The following TANC1 variants were observed in gnomAD, a reference collection of about 807,000 sequenced individuals.
TANC1 encodes tetratricopeptide repeat, ankyrin repeat and coiled-coil containing 1.
A neutral mutation model predicts 149.7 loss-of-function variants in TANC1; 77 were observed. That is an observed-to-expected ratio of 0.51 (90% CI 0.43 to 0.62). The LOEUF is 0.62. Ranked by LOEUF, TANC1 falls within the 20% of genes least tolerant of loss-of-function variation. The pLI is 0.00. For synonymous variants in TANC1, 854 were observed against 925.0 expected (o/e 0.92, Z 1.39); for missense variants, 1,985 against 2,321.8 (o/e 0.85, Z 2.98).
At chr2:159,066,096 A>C in intron 3 of TANC1, 125 bp downstream of exon 3, 2 of 756,106 alleles carry the variant, frequency 2.6e-6, no homozygotes, top group East Asian at 4.9e-5. Flanking sequence ...TAGAACAAAC[A>C]GTGTGCTGGA....
intron 11 of TANC1, among the ~76,000 whole-genome samples, chr2:159,172,798 C>A (rs117274063): frequency 1.4e-4 from 22 of 152,198 alleles, no homozygotes; most frequent in Non-Finnish European, 1.5e-5. Context: ...GCTCACCAAC[C>A]GCACTCCTGC....
Position 159,196,586 on chromosome 2 carries a change from C to T in TANC1, c.2980-22C>T, listed in dbSNP as rs2057869161. On this transcript the variant is annotated intron_variant, in intron 17 of 26. Coordinates refer to ENST00000263635, the MANE Select transcript of TANC1 (RefSeq NM_033394.3). The stretch of plus-strand genomic sequence containing the variant: ...AGGCAAAGTAATGCTCAGCTGTAAC[C>T]TTCCCCTACTCCTGCCCCCAGGTGG... 8 of 1,582,476 alleles carry T rather than the reference C, an allele frequency of 5.1e-6. No homozygotes were observed. In the African/African-American group the frequency reaches 5.4e-5, roughly 11 times the overall value.
chr2:159,115,913 C>T (rs2150054642), intron 4 of TANC1, among the ~76,000 whole-genome samples: 1 of 152,170 alleles, frequency 6.6e-6, no homozygotes, highest in Admixed American at 6.5e-5. Flanking sequence ...TCTGCCCTAC[C>T]ACAGGTGTAG....
chr2:158,971,976 A>T (rs757107525), intron 1 of TANC1, among the ~76,000 whole-genome samples: 1 of 152,212 alleles, frequency 6.6e-6, no homozygotes. Context: ...ATTTCTCACA[A>T]TACATTTTTA....
intron 2 of TANC1, among the ~76,000 whole-genome samples, chr2:159,022,446 A>T (rs1033348945): frequency 2.0e-5 from 3 of 152,150 alleles, no homozygotes; most frequent in African/African-American, 7.2e-5. Context: ...ACAAGCTGGA[A>T]ATTAGAAGTG....
intron 4 of TANC1, among the ~76,000 whole-genome samples, chr2:159,133,155 C>T (rs2050279077): frequency 6.6e-6 from 1 of 152,156 alleles, no homozygotes; most frequent in Non-Finnish European, 1.5e-5. Flanking sequence ...AATACAGGCA[C>T]TTCTTGAGCA....
intron 4 of TANC1, among the ~76,000 whole-genome samples, chr2:159,125,573 T>TCCTTCTTCCCTC (rs1553563186): frequency 7.2e-6 from 1 of 138,984 alleles, no homozygotes; most frequent in African/African-American, 2.7e-5. Flanking sequence ...ATTCCTTCCT[T>TCCTTCTTCCCTC]CCTCCCTCCC....
chr2:159,214,562 G>GCTA (rs1428002472), intron 19 of TANC1, among the ~76,000 whole-genome samples: 7 of 152,242 alleles, frequency 4.6e-5, no homozygotes, highest in Non-Finnish European at 7.3e-5. Context: ...CGGCTTACCA[G>GCTA]CTACCTCCTT....
intron 3 of TANC1, among the ~76,000 whole-genome samples, chr2:159,067,246 AT>A (rs2042752267): frequency 1.3e-5 from 2 of 152,210 alleles, no homozygotes; most frequent in Non-Finnish European, 2.9e-5. Context: ...CCTAGACAAA[AT>A]TTATTTTTAT....
In TANC1 at chr2:159,230,805, T is replaced by C. The variant is rs201011788; in HGVS notation, c.5379T>C (p.Ser1793=). 2.2e-4 allele frequency: 356 copies of C among 1,614,090 alleles called. 3 individuals are homozygous for C. Among genetic ancestry groups the C allele is most frequent in the Non-Finnish European group, 5.4e-5 (64 of 1,180,042 alleles). Reference sequence around the variant, plus strand: ...GTTCTGTTTCTACCCTGAGTGCAAGTGTCCACAATGGGGCACAAGTGAAGG... The same window carrying C: ...GTTCTGTTTCTACCCTGAGTGCAAGCGTCCACAATGGGGCACAAGTGAAGG... ...KTCSVSTLSA[S]VHNGAQVKEL... Residue 1793 remains serine (S), a synonymous_variant, in exon 27 of 27, where the codon AGT becomes AGC. Transcript: ENST00000263635. This position sits in a 1 kb window ranked among gnomAD's most constrained non-coding sequence, Gnocchi z 4.4.
chr2:159,019,658 T>G (rs917141716), intron 2 of TANC1, among the ~76,000 whole-genome samples: 3 of 33,240 alleles, frequency 9.0e-5, no homozygotes. Context: ...TTTCTGTTTT[T>G]TTTTTTTTTT....
chr2:159,116,765 T>A (rs750113981), intron 4 of TANC1, among the ~76,000 whole-genome samples: 61 of 152,272 alleles, frequency 4.0e-4, no homozygotes, highest in Non-Finnish European at 8.7e-4. Context: ...AAAGGAGAAA[T>A]GGAAACTTAG....
At position 159,229,541 on chromosome 2, in the gene TANC1, T is replaced by C. The variant is rs761344115; in HGVS notation, c.4152-37T>C. 3 of 1,483,788 alleles carry C rather than the reference T, an allele frequency of 2.0e-6. No individual in the cohort carries two copies. In the East Asian group the frequency reaches 6.9e-5, roughly 34 times the overall value. 91.9% of individuals were successfully genotyped at this position (1,483,788 alleles called of 1,614,324 possible). A position where few individuals can be genotyped will look rare whatever the true frequency, so the allele number is the denominator to read the frequency against. On this transcript the variant is annotated intron_variant, in intron 26 of 26. Transcript: ENST00000263635. ...CAGTTACACTCTGAGCATGTTCGTGTGTGGTTTGTAATGTTACCTTACATT... is the reference window on the plus strand; with the variant it reads ...CAGTTACACTCTGAGCATGTTCGTGCGTGGTTTGTAATGTTACCTTACATT...
intron 2 of TANC1, among the ~76,000 whole-genome samples, chr2:159,022,028 T>A (rs2038869548): frequency 6.6e-6 from 1 of 152,242 alleles, no homozygotes; most frequent in Non-Finnish European, 1.5e-5. Flanking sequence ...TTTCAGTGTT[T>A]CAGAACTGTG....
intron 24 of TANC1, 69 bp downstream of exon 24, chr2:159,225,848 T>G: frequency 8.7e-7 from 1 of 1,145,426 alleles, no homozygotes; most frequent in Non-Finnish European, 1.3e-6. Context: ...GGGTACATAA[T>G]GGCTACAGCT....
chr2:159,209,626 A>C (rs1424999119), intron 19 of TANC1, among the ~76,000 whole-genome samples: 1 of 152,182 alleles, frequency 6.6e-6, no homozygotes, highest in African/African-American at 2.4e-5. Flanking sequence ...ATAGCCACTT[A>C]GAGTCAGTTA....
chr2:159,156,387 A>G (rs2053443800), intron 7 of TANC1, among the ~76,000 whole-genome samples: 1 of 152,196 alleles, frequency 6.6e-6, no homozygotes, highest in South Asian at 2.1e-4. Flanking sequence ...TGAGTCAGCA[A>G]AGAGCCTGCT....
At chr2:159,207,399 T>C (rs2058677225) in intron 19 of TANC1, among the ~76,000 whole-genome samples, 1 of 152,196 alleles carries the variant, frequency 6.6e-6, no homozygotes, top group Non-Finnish European at 1.5e-5. Flanking sequence ...GGCAGCATTG[T>C]AGGAGCTAAG....
At position 159,179,054 on chromosome 2, in the gene TANC1, T is replaced by C. The variant is rs1342861848; in HGVS notation, c.2401T>C (p.Phe801Leu). 2 of 1,613,862 alleles carry C rather than the reference T, an allele frequency of 1.2e-6. No homozygotes were observed. The highest frequency in any genetic ancestry group is 2.7e-5 in the African/African-American group (2 of 74,862). ...FQQRMDALSC[F>L]LIKRRDKTRM... ...GCAGAGGATGGACGCCCTCTCCTGC[T>C]TCCTCATTAAGAGGCGAGACAAAAC... The change falls in exon 14 of 27, where the codon TTC becomes CTC. Residue 801 changes from phenylalanine to leucine, a missense_variant. Physicochemically the swap from Phe to Leu is conservative, Grantham distance 22 (BLOSUM62 0). Coordinates refer to ENST00000263635, the MANE Select transcript of TANC1 (RefSeq NM_033394.3).
Sources: gnomAD v4.1 joint callset for allele counts (sites outside exome capture counted in the v4.1 genomes callset) on GRCh38, gnomAD v4.1.1 for gene constraint, Gnocchi (gnomAD v3.1) non-coding constraint, MANE v1.5 for transcripts, NCBI Gene and HGNC (gene_info 2026-07-23, HGNC 2026-07-21) for gene names.